CNTN4: variants seen among roughly 807,000 people sequenced by gnomAD.
CNTN4 encodes the protein contactin 4.
In CNTN4, 77 loss-of-function variants were observed where a neutral mutation model predicts 122.5. That is an observed-to-expected ratio of 0.63 (90% CI 0.52 to 0.76). CNTN4 has a LOEUF of 0.76. Ranked by LOEUF, CNTN4 falls within the 30% of genes least tolerant of loss-of-function variation. The probability of loss-of-function intolerance (pLI) is 0.00; values close to 1 mark genes in which losing one functional copy is unlikely to be tolerated. For missense variants in CNTN4, 1,256 were observed against 1,259.1 expected, an observed-to-expected ratio of 1.00 and a Z score of 0.04; for synonymous variants, 512 against 447.0, an observed-to-expected ratio of 1.15 and a Z score of -1.83.
chr3:2,542,411 T>C (rs920652806), intron 3 of CNTN4, among the ~76,000 whole-genome samples: 1 of 152,094 alleles, frequency 6.6e-6, no homozygotes, highest in Non-Finnish European at 1.5e-5. Flanking sequence ...GAGAACAGTA[T>C]AGATAGGAGA....
chr3:2,154,513 T>C (rs2035635524), intron 2 of CNTN4, among the ~76,000 whole-genome samples: 1 of 152,208 alleles, frequency 6.6e-6, no homozygotes, highest in Non-Finnish European at 1.5e-5. Context: ...TGGCATAATA[T>C]CCTTGTCTGA....
chr3:2,581,341 T>C (rs1483820656), intron 4 of CNTN4, among the ~76,000 whole-genome samples: 6 of 152,104 alleles, frequency 3.9e-5, no homozygotes, highest in Non-Finnish European at 2.9e-5. Flanking sequence ...CTTTAATATA[T>C]AAGGGGATTC....
intron 2 of CNTN4, among the ~76,000 whole-genome samples, chr3:2,188,910 A>T (rs944566156): frequency 6.6e-6 from 1 of 152,134 alleles, no homozygotes; most frequent in Non-Finnish European, 1.5e-5. Context: ...AGGAGAGTTA[A>T]CTTTACTTAC....
intron 2 of CNTN4, among the ~76,000 whole-genome samples, chr3:2,138,723 T>G (rs2125321447): frequency 2.0e-5 from 3 of 152,324 alleles, no homozygotes; most frequent in Middle Eastern, 6.8e-3. Flanking sequence ...TTCCTGGTTA[T>G]CAGGCCTTCA....
chr3:2,688,260 C>G (rs569394871), intron 4 of CNTN4, among the ~76,000 whole-genome samples: 5 of 151,984 alleles, frequency 3.3e-5, no homozygotes, highest in African/African-American at 1.2e-4. Flanking sequence ...CAGTATTTTC[C>G]TTTGGACCAC....
chr3:3,042,874 A>G lies in CNTN4; in HGVS notation c.2512-103A>G, dbSNP rs552161080. ...TAGCTCTGCTCATGATGTAGTATAG[A>G]AAACTAACTCCATCATAAGAATCTG... is the stretch of plus-strand genomic sequence containing the variant. On this transcript the variant is annotated intron_variant, in intron 21 of 24. Coordinates refer to ENST00000418658, the MANE Select transcript of CNTN4 (RefSeq NM_175607.3). 9.8e-6 allele frequency: 9 copies of G among 916,656 alleles called. No homozygotes were observed. The East Asian group carries it at 2.3e-4, about 23-fold the overall frequency. 56.8% of individuals were successfully genotyped at this position (916,656 alleles called of 1,614,324 possible). A position where few individuals can be genotyped will look rare whatever the true frequency, so the allele number is the denominator to read the frequency against.
At chr3:2,399,471 TGAGA>T (rs1382806677) in intron 3 of CNTN4, among the ~76,000 whole-genome samples, 1 of 152,084 alleles carries the variant, frequency 6.6e-6, no homozygotes. Context: ...CAGAATGGAG[TGAGA>T]GAGAGCTGTT....
At chr3:2,534,932 G>A (rs11707651) in intron 3 of CNTN4, among the ~76,000 whole-genome samples, 24,792 of 151,084 alleles carry the variant, frequency 0.16, 2,258 homozygotes, top group Non-Finnish European at 0.2. Flanking sequence ...CGAGAAGTGT[G>A]TTGAGGAGAT....
intron 2 of CNTN4, among the ~76,000 whole-genome samples, chr3:2,102,384 C>A (rs75953165): frequency 0.078 from 11,848 of 152,208 alleles, 740 homozygotes; most frequent in African/African-American, 0.17. Flanking sequence ...ATCTATTTCA[C>A]GGCATCACGA....
chr3:2,750,987 G>C (rs1044679110), intron 6 of CNTN4, among the ~76,000 whole-genome samples: 1 of 152,042 alleles, frequency 6.6e-6, no homozygotes, highest in African/African-American at 2.4e-5. Flanking sequence ...TATTGGTGTG[G>C]CAGGCGTTGG....
intron 2 of CNTN4, among the ~76,000 whole-genome samples, chr3:2,190,062 T>A (rs1218831119): frequency 1.3e-5 from 2 of 152,180 alleles, no homozygotes; most frequent in African/African-American, 4.8e-5. Flanking sequence ...CATTTCAAGG[T>A]CACTGAATCA....
intron 7 of CNTN4, among the ~76,000 whole-genome samples, chr3:2,827,635 G>C (rs779415259): frequency 6.6e-6 from 1 of 152,114 alleles, no homozygotes; most frequent in African/African-American, 2.4e-5. Flanking sequence ...GGCTTTATTA[G>C]CCATTCTTCT....
At chr3:2,823,832 C>G (rs1048834913) in intron 7 of CNTN4, among the ~76,000 whole-genome samples, 1 of 152,140 alleles carries the variant, frequency 6.6e-6, no homozygotes, top group African/African-American at 2.4e-5. Flanking sequence ...TTTTATGTCA[C>G]CAAGATGCTT....
chr3:2,996,604 A>G (rs1219253423), intron 14 of CNTN4, among the ~76,000 whole-genome samples: 2 of 152,226 alleles, frequency 1.3e-5, no homozygotes, highest in African/African-American at 4.8e-5. Flanking sequence ...TTATATGTGA[A>G]GCACATAATT....
intron 4 of CNTN4, among the ~76,000 whole-genome samples, chr3:2,605,734 T>A (rs746754249): frequency 1.2e-4 from 18 of 152,188 alleles, no homozygotes; most frequent in Non-Finnish European, 2.5e-4. Flanking sequence ...ATTATTACTA[T>A]ATAGATGCCA....
chr3:2,677,469 C>CATAGATATAGAGATCTATGT (rs1182568702), intron 4 of CNTN4, among the ~76,000 whole-genome samples: 3,634 of 96,230 alleles, frequency 0.038, 17 homozygotes, highest in East Asian at 0.079. Context: ...TGTATCTATC[C>CATAGATATAGAGATCTATGT]ATCTATCCAT....
At chr3:2,982,986 G>A (rs1302324524) in intron 13 of CNTN4, among the ~76,000 whole-genome samples, 1 of 151,708 alleles carries the variant, frequency 6.6e-6, no homozygotes, top group Admixed American at 6.6e-5. Context: ...GAGGCGAGGC[G>A]GGCGGATCAC....
rs561255288 is a variant in CNTN4 at position 2,689,541 on chromosome 3, C to G, written c.56-46674C>G. Among the ~76,000 whole-genome samples, 12 of 152,186 alleles carry G rather than the reference C, an allele frequency of 7.9e-5. No homozygotes were observed. The South Asian group carries it at 2.5e-3, about 32-fold the overall frequency. ...TTGTCTGCATCTTGCCAGAGACCAC[C>G]TGCTTTTCAATGACCTTTTACCATT... is the stretch of plus-strand genomic sequence containing the variant. On this transcript the variant is annotated intron_variant, in intron 4 of 24. Coordinates refer to ENST00000418658, the MANE Select transcript of CNTN4 (RefSeq NM_175607.3).
At chr3:2,907,795 T>C (rs958303922) in intron 12 of CNTN4, among the ~76,000 whole-genome samples, 1 of 152,210 alleles carries the variant, frequency 6.6e-6, no homozygotes, top group African/African-American at 2.4e-5. Context: ...TGGTATTTAA[T>C]GTGTATGTAA....
Sources: allele counts gnomAD v4.1 joint callset (sites outside exome capture counted in the v4.1 genomes callset), GRCh38; gene constraint gnomAD v4.1.1; transcripts MANE v1.5; gene names NCBI Gene and HGNC (gene_info 2026-07-23, HGNC 2026-07-21).